Variants in LRP1B observed in about 807,000 individuals in gnomAD.
LRP1B encodes low-density lipoprotein receptor-related protein 1B.
In LRP1B, 217 loss-of-function variants were observed where a neutral mutation model predicts 556.6. The observed-to-expected ratio is 0.39, with a 90% CI of 0.35 to 0.44. The LOEUF (loss-of-function observed/expected upper bound fraction) is 0.44. Ranked by LOEUF, LRP1B falls within the 20% of genes least tolerant of loss-of-function variation. LRP1B has a pLI of 1.00. For synonymous variants in LRP1B, 2,047 were observed against 1,865.8 expected, an observed-to-expected ratio of 1.10 and a Z score of -2.50; for missense variants, 5,053 against 5,620.8, an observed-to-expected ratio of 0.90 and a Z score of 3.23.
At chr2:141,091,465 G>T (rs1206532775) in intron 7 of LRP1B, among the ~76,000 whole-genome samples, 1 of 152,208 alleles carries the variant, frequency 6.6e-6, no homozygotes, top group Non-Finnish European at 1.5e-5. Flanking sequence ...ACTGTGTGGA[G>T]TTTTCACATC....
At chr2:141,397,059 A>T (rs1559048199) in intron 3 of LRP1B, among the ~76,000 whole-genome samples, 1 of 142,998 alleles carries the variant, frequency 7.0e-6, no homozygotes, top group Non-Finnish European at 1.5e-5. Context: ...GTTGTGGTGA[A>T]CCAAGATCCC....
intron 3 of LRP1B, among the ~76,000 whole-genome samples, chr2:141,464,587 T>A (rs1682090768): frequency 2.4e-5 from 1 of 41,598 alleles, no homozygotes; most frequent in Non-Finnish European, 7.0e-5. Context: ...TAATTTTGTA[T>A]ATATATATAT....
At chr2:140,409,002 T>C (rs1307435851) in intron 66 of LRP1B, among the ~76,000 whole-genome samples, 1 of 151,996 alleles carries the variant, frequency 6.6e-6, no homozygotes, top group East Asian at 1.9e-4. Flanking sequence ...TCTTGCTAGT[T>C]CTCTTCCTCT....
chr2:141,309,072 T>C (rs1031099675), intron 3 of LRP1B, among the ~76,000 whole-genome samples: 4 of 152,210 alleles, frequency 2.6e-5, no homozygotes, highest in African/African-American at 4.8e-5. Context: ...TTTTAGCACA[T>C]GGTTTGGCAA....
intron 2 of LRP1B, among the ~76,000 whole-genome samples, chr2:141,691,677 A>G (rs564127472): frequency 6.6e-6 from 1 of 151,956 alleles, no homozygotes; most frequent in South Asian, 2.1e-4. Flanking sequence ...TAATTTTTCT[A>G]TTCTTTGGAA....
At chr2:141,576,753 CAA>C (rs72183984) in intron 2 of LRP1B, among the ~76,000 whole-genome samples, 8,426 of 92,298 alleles carry the variant, frequency 0.091, 292 homozygotes, top group Non-Finnish European at 0.12. Flanking sequence ...GCCCCTGTCT[CAA>C]AAAAAAAAAA....
chr2:141,222,818 G>T (rs1029900004), intron 6 of LRP1B, among the ~76,000 whole-genome samples: 4 of 152,088 alleles, frequency 2.6e-5, no homozygotes, highest in Non-Finnish European at 5.9e-5. Flanking sequence ...TGCAGAAAAG[G>T]CCTTTGACAA....
At chr2:140,710,381 G>T (rs1282259269) in intron 37 of LRP1B, among the ~76,000 whole-genome samples, 1 of 152,036 alleles carries the variant, frequency 6.6e-6, no homozygotes, top group Admixed American at 6.6e-5. Flanking sequence ...CAACAGATGA[G>T]AGGTAGGAGG....
At chr2:141,662,765 G>A (rs544544879) in intron 2 of LRP1B, among the ~76,000 whole-genome samples, 5 of 151,990 alleles carry the variant, frequency 3.3e-5, no homozygotes, top group African/African-American at 1.2e-4. Flanking sequence ...ATATTAGACA[G>A]ATTATTGAGA....
intron 66 of LRP1B, among the ~76,000 whole-genome samples, chr2:140,441,786 A>G (rs1488676898): frequency 6.6e-6 from 1 of 152,196 alleles, no homozygotes; most frequent in Non-Finnish European, 1.5e-5. Flanking sequence ...CCAAATTGGC[A>G]TATTTGTCTA....
chr2:140,739,677 T>C (rs1013420099), intron 35 of LRP1B, among the ~76,000 whole-genome samples: 26 of 152,210 alleles, frequency 1.7e-4, no homozygotes, highest in Non-Finnish European at 3.5e-4. Context: ...GGATATTGTA[T>C]TAATGTGCTA....
At chr2:140,248,144 T>C (rs1681248528) in intron 86 of LRP1B, among the ~76,000 whole-genome samples, 1 of 151,678 alleles carries the variant, frequency 6.6e-6, no homozygotes, top group African/African-American at 2.4e-5. Flanking sequence ...TTTTGATATC[T>C]GAGGCTGCTT....
chr2:141,143,349 T>C (rs569634511), intron 7 of LRP1B, among the ~76,000 whole-genome samples: 2 of 152,298 alleles, frequency 1.3e-5, no homozygotes, highest in Admixed American at 1.3e-4. Flanking sequence ...GAGGCCTCTC[T>C]GGACCATAGA....
At chr2:141,458,770 C>G (rs1455182828) in intron 3 of LRP1B, among the ~76,000 whole-genome samples, 1 of 152,092 alleles carries the variant, frequency 6.6e-6, no homozygotes, top group East Asian at 1.9e-4. Flanking sequence ...TTTAAAAGAA[C>G]TTTTCCTTGA....
At chr2:140,622,178 C>G (rs1683481781) in intron 41 of LRP1B, among the ~76,000 whole-genome samples, 1 of 152,108 alleles carries the variant, frequency 6.6e-6, no homozygotes, top group African/African-American at 2.4e-5. Context: ...ACTTTTTGTA[C>G]CAAGTGCAAT....
intron 66 of LRP1B, among the ~76,000 whole-genome samples, chr2:140,390,374 A>G (rs1261475495): frequency 6.6e-6 from 1 of 152,168 alleles, no homozygotes; most frequent in East Asian, 1.9e-4. Flanking sequence ...CAAGTCTTTT[A>G]AAACAAATAT....
chr2:141,558,820 A>G (rs1686047360), intron 2 of LRP1B, among the ~76,000 whole-genome samples: 4 of 151,796 alleles, frequency 2.6e-5, no homozygotes, highest in Admixed American at 1.3e-4. Context: ...AGATCACAAT[A>G]ACAAAAATCA....
At chr2:140,284,869 T>C (rs918872001) in intron 84 of LRP1B, among the ~76,000 whole-genome samples, 21 of 150,536 alleles carry the variant, frequency 1.4e-4, no homozygotes, top group African/African-American at 5.1e-4. Context: ...AATCTCTATG[T>C]ATATATCTAT....
At chr2:140,273,101 G>C (rs1433576148) in intron 85 of LRP1B, among the ~76,000 whole-genome samples, 1 of 151,812 alleles carries the variant, frequency 6.6e-6, no homozygotes, top group Non-Finnish European at 1.5e-5. Context: ...AGGTAAAATG[G>C]GTAGGAAACT....
Sources: allele counts gnomAD v4.1 joint callset (sites outside exome capture counted in the v4.1 genomes callset), GRCh38; gene constraint gnomAD v4.1.1; transcripts MANE v1.5; gene names NCBI Gene and HGNC (gene_info 2026-07-23, HGNC 2026-07-21).